Variants in ZZEF1 observed in about 807,000 individuals in gnomAD.
ZZEF1 encodes zinc finger ZZ-type and EF-hand domain containing 1, also known as zinc finger ZZ-type and EF-hand domain-containing protein 1.
Under a neutral mutation model 342.8 loss-of-function variants are expected in ZZEF1, and 157 were observed. That is an observed-to-expected ratio of 0.46 (90% confidence interval 0.40 to 0.52). The LOEUF (loss-of-function observed/expected upper bound fraction) is 0.52. Among genes scored for constraint, ZZEF1 ranks in the 20% least tolerant of loss-of-function variants. ZZEF1 has a pLI of 0.00. For missense variants in ZZEF1, 3,480 were observed against 3,725.6 expected (o/e 0.93, Z 1.72); for synonymous variants, 1,505 against 1,429.1 (o/e 1.05, Z -1.20).
chr17:4,110,644 T>C (rs1231093820), intron 5 of ZZEF1, among the ~76,000 whole-genome samples: 1 of 151,962 alleles, frequency 6.6e-6, no homozygotes, highest in East Asian at 1.9e-4. Context: ...TAAAGCAAGG[T>C]TATAATGGTA....
In ZZEF1 at chr17:4,102,132, A is replaced by G. The variant is rs760570176; in HGVS notation, c.1672+185T>C. Among the ~76,000 whole-genome samples, 4 of 152,222 alleles carry G rather than the reference A, an allele frequency of 2.6e-5. 1 individual carries two copies. The highest frequency in any genetic ancestry group is 1.3e-4 in the Admixed American group (2 of 15,286). ...GGCTCTCAAATACTTCTGAGTTGTT[A>G]TAGTCATTGACACCTAGGCAGATTA... On this transcript the variant is annotated intron_variant, in intron 9 of 54. Coordinates refer to ENST00000381638, the MANE Select transcript of ZZEF1 (RefSeq NM_015113.4).
At position 4,142,913 on chromosome 17, in the gene ZZEF1, C is replaced by T; in HGVS notation, c.-18G>A. 3.8e-6 allele frequency: 5 copies of T among 1,312,212 alleles called. No individual in the cohort carries two copies. Among genetic ancestry groups the T allele is most frequent in the East Asian group, 3.1e-5 (1 of 31,926 alleles). 81.3% of individuals were successfully genotyped at this position (1,312,212 alleles called of 1,614,324 possible). A position where few individuals can be genotyped will look rare whatever the true frequency, so the allele number is the denominator to read the frequency against. On this transcript the variant is annotated 5_prime_UTR_variant, in exon 1 of 55. Coordinates refer to ENST00000381638, the MANE Select transcript of ZZEF1 (RefSeq NM_015113.4). Reference sequence around the variant, plus strand: ...TTCCCCATGGGGTCTCCGTCTTGGGCGCCTGGCTCTGCAGCCGCCGCCGCC... The same window carrying T: ...TTCCCCATGGGGTCTCCGTCTTGGGTGCCTGGCTCTGCAGCCGCCGCCGCC...
chr17:4,035,176 G>A (rs1421355217), intron 39 of ZZEF1, among the ~76,000 whole-genome samples: 1 of 151,992 alleles, frequency 6.6e-6, no homozygotes, highest in African/African-American at 2.4e-5. Flanking sequence ...TAAACGGCCT[G>A]GTACAAACAT....
In ZZEF1 at chr17:4,014,326, A is replaced by C. The variant is rs926839760; in HGVS notation, c.8314+21T>G. 1 of 1,614,020 alleles carries C rather than the reference A, an allele frequency of 6.2e-7. No individual in the cohort carries two copies. Among genetic ancestry groups the C allele is most frequent in the African/African-American group, 1.3e-5 (1 of 75,036 alleles). ...ACACTGCCTGTGAAGAACCTATCTA[A>C]TCGAGTATTTGTTTCACTACCTGGA... On this transcript the variant is annotated intron_variant, in intron 50 of 54. Transcript: ENST00000381638. The surrounding 1 kb of genome is among the most constrained non-coding windows in gnomAD (Gnocchi z 4.4).
chr17:4,022,806 C>T lies in ZZEF1; in HGVS notation c.7115G>A (p.Arg2372His), dbSNP rs375499242. Residue 2372 changes from arginine (R) to histidine (H), a missense_variant, in exon 44 of 55, where the codon CGT becomes CAT. Around this residue, in one of 5 missense-constraint regions of ZZEF1, gnomAD observed 1,269 missense variants for 1,342.4 expected, o/e 0.95. Transcript: ENST00000381638. The stretch of plus-strand genomic sequence containing the variant: ...CAAATCGGTCTGAAGGAAAGTAGCA[C>T]GGATCTCCTCAAAACCGTGAGCCTG... ...TLKAHGFEEI[R>H]ATFLQTDLLK... The T allele has an allele frequency of 2.0e-5, 33 of 1,613,748 alleles. No individual in the cohort carries two copies. The highest frequency in any genetic ancestry group is 1.1e-4 in the African/African-American group (8 of 74,900).
intron 44 of ZZEF1, among the ~76,000 whole-genome samples, chr17:4,021,842 C>A (rs1251913465): frequency 1.3e-5 from 2 of 152,042 alleles, no homozygotes; most frequent in African/African-American, 4.8e-5. Flanking sequence ...TAGATTTACA[C>A]ATGCAACGCA....
Position 4,024,982 on chromosome 17 carries a change from G to A in ZZEF1, c.7029C>T (p.Pro2343=), listed in dbSNP as rs148692736. 2.4e-5 allele frequency: 38 copies of A among 1,613,948 alleles called. No homozygotes were observed. The highest frequency in any genetic ancestry group is 1.6e-4 in the South Asian group (15 of 91,076). The part of the protein sequence containing the change: ...LLQSSMDSHC[P]EAVEATWVLS... ...GGACCCAAGTTGCTTCTACTGCCTC[G>A]GGACAATGGCTGTCCATGCTGCTTT... is the stretch of plus-strand genomic sequence containing the variant. Residue 2343 remains proline (P), a synonymous_variant, in exon 43 of 55, where the codon CCC becomes CCT. Coordinates refer to ENST00000381638, the MANE Select transcript of ZZEF1 (RefSeq NM_015113.4).
chr17:4,109,109 G>C (rs1365529605), intron 6 of ZZEF1, among the ~76,000 whole-genome samples: 1 of 151,936 alleles, frequency 6.6e-6, no homozygotes, highest in East Asian at 1.9e-4. Flanking sequence ...AATTAATTTA[G>C]TACCCTGAAA....
chr17:4,090,339 G>A lies in ZZEF1; in HGVS notation c.2025+380C>T, dbSNP rs568710139. On this transcript the variant is annotated intron_variant, in intron 12 of 54. Transcript: ENST00000381638. ...GTTCTCACTATTCTCTCAGCCTGAG[G>A]TGCCCTCCTCCACACACTGTAGCCT... is the stretch of plus-strand genomic sequence containing the variant. 7.4e-4 allele frequency among the ~76,000 whole-genome samples: 72 copies of A among 97,800 alleles called. 1 individual carries two copies. The highest frequency in any genetic ancestry group is 3.0e-3 in the African/African-American group (65 of 21,484). 64.2% of individuals were successfully genotyped at this position (97,800 alleles called of 152,430 possible). A position where few individuals can be genotyped will look rare whatever the true frequency, so the allele number is the denominator to read the frequency against.
intron 38 of ZZEF1, 139 bp from the exon 39 acceptor site, chr17:4,042,707 A>T (rs2056828279): frequency 3.2e-6 from 3 of 947,478 alleles, no homozygotes. Context: ...TTTGAGAGGG[A>T]GTCTCACTCT....
intron 7 of ZZEF1, among the ~76,000 whole-genome samples, chr17:4,105,225 T>C (rs2042311780): frequency 6.6e-6 from 1 of 152,222 alleles, no homozygotes; most frequent in Non-Finnish European, 1.5e-5. Flanking sequence ...TCTAGATGGC[T>C]CAGGGACTGG....
chr17:4,033,261 C>G, intron 40 of ZZEF1: 1 of 379,986 alleles, frequency 2.6e-6, no homozygotes, highest in Non-Finnish European at 4.8e-6. Flanking sequence ...CACATGCACA[C>G]TCATATTCAA....
chr17:4,018,894 A>C (rs1184862828), intron 46 of ZZEF1, among the ~76,000 whole-genome samples: 1 of 151,352 alleles, frequency 6.6e-6, no homozygotes, highest in Non-Finnish European at 1.5e-5. Context: ...TGGCCGAGGG[A>C]GCTTTCACTC....
Position 4,009,737 on chromosome 17 carries a change from A to G in ZZEF1, c.8600T>C (p.Leu2867Pro). The part of the protein sequence containing the change: ...CGHSDLCDLA[L>P]LKPLWQLFTH... ...AAAGAGCTGCCACAGGGGCTTCAACAGCGCAAGGTCACACAGGTCACTGCA... is the reference window on the plus strand; with the variant it reads ...AAAGAGCTGCCACAGGGGCTTCAACGGCGCAAGGTCACACAGGTCACTGCA... Residue 2867 changes from leucine to proline, a missense_variant, in exon 53 of 55, where the codon CTG (leucine) becomes CCG (proline). By Grantham distance (98) the Leu-to-Pro change is moderately conservative. This residue lies in a region of ZZEF1 where 1,269 missense variants were observed against 1,342.4 expected (regional missense o/e 0.95). Coordinates refer to ENST00000381638, the MANE Select transcript of ZZEF1 (RefSeq NM_015113.4). The G allele has an allele frequency of 1.9e-6, 3 of 1,614,044 alleles. No individual in the cohort carries two copies. Among genetic ancestry groups the G allele is most frequent in the Non-Finnish European group, 2.5e-6 (3 of 1,180,006 alleles).
In ZZEF1 at chr17:4,058,069, A is replaced by T; in HGVS notation, c.5090T>A (p.Phe1697Tyr). 1 of 1,614,144 alleles carries T rather than the reference A, an allele frequency of 6.2e-7. No homozygotes were observed. The highest frequency in any genetic ancestry group is 8.5e-7 in the Non-Finnish European group (1 of 1,180,016). Reference sequence around the variant, plus strand: ...GAGATCTGGTAACTGAATATCAACAAAGAAGGCGAGATCATTGGGTTCCCA... The same window carrying T: ...GAGATCTGGTAACTGAATATCAACATAGAAGGCGAGATCATTGGGTTCCCA... ...MGWEPNDLAF[F>Y]VDIQLPDLLM... Residue 1697 changes from phenylalanine to tyrosine, a missense_variant, in exon 32 of 55, where the codon TTT (phenylalanine) becomes TAT (tyrosine). Transcript: ENST00000381638.
chr17:4,047,694 G>A (rs1280645500), intron 37 of ZZEF1, among the ~76,000 whole-genome samples: 1 of 150,110 alleles, frequency 6.7e-6, no homozygotes, highest in African/African-American at 2.5e-5. Flanking sequence ...TGTAATCCCA[G>A]CACTTTGGGA....
rs796253550 is a variant in ZZEF1, at chr17:4,127,898, C to T, written c.355-3847G>A. On this transcript the variant is annotated intron_variant, in intron 1 of 54. Transcript: ENST00000381638. ...GCCGCCAACACTGGGGATCTCCCAA[C>T]GAAAGGGCCAGCCAGTTCATCTCGC... 4.6e-5 allele frequency among the ~76,000 whole-genome samples: 7 copies of T among 152,170 alleles called. No individual in the cohort carries two copies. The South Asian group carries it at 1.4e-3, about 32-fold the overall frequency.
At chr17:4,024,186 GTTTT>G (rs754985234) in intron 43 of ZZEF1, among the ~76,000 whole-genome samples, 8 of 94,406 alleles carry the variant, frequency 8.5e-5, no homozygotes, top group Admixed American at 1.3e-4. Context: ...TATTGCCCAG[GTTTT>G]TTTTTTTTTT....
At chr17:4,063,557 GA>G (rs2057327713) in intron 29 of ZZEF1, among the ~76,000 whole-genome samples, 1 of 152,048 alleles carries the variant, frequency 6.6e-6, no homozygotes. Context: ...AATCTTACAT[GA>G]AAAAATATCT....
Sources: gnomAD v4.1 joint callset for allele counts (sites outside exome capture counted in the v4.1 genomes callset) on GRCh38, gnomAD v4.1.1 for gene constraint, gnomAD v4.1.1 regional missense constraint, Gnocchi (gnomAD v3.1) non-coding constraint, MANE v1.5 for transcripts, NCBI Gene and HGNC (gene_info 2026-07-23, HGNC 2026-07-21) for gene names.